Variants in FOXN3 observed in about 807,000 individuals in gnomAD.
The protein encoded by FOXN3 is forkhead box N3, also known as forkhead box protein N3.
FOXN3 carries 7 observed loss-of-function variants against 38.4 expected under a neutral mutation model. The ratio of observed to expected loss-of-function variants is 0.18; its 90% confidence interval spans 0.10 to 0.34. FOXN3 has a LOEUF of 0.34. Among genes scored for constraint, FOXN3 ranks in the 10% least tolerant of loss-of-function variants. The pLI is 1.00. For synonymous variants in FOXN3, 230 were observed against 242.2 expected (o/e 0.95, Z 0.47); for missense variants, 456 against 613.4 (o/e 0.74, Z 2.71).
intron 1 of FOXN3, among the ~76,000 whole-genome samples, chr14:89,590,611 G>A (rs987537284): frequency 1.3e-5 from 2 of 152,148 alleles, no homozygotes; most frequent in Non-Finnish European, 2.9e-5. Context: ...AGTAGCCCCA[G>A]AAGCAAAGTC....
At chr14:89,310,999 A>G (rs12882942) in intron 3 of FOXN3, among the ~76,000 whole-genome samples, 47,904 of 151,106 alleles carry the variant, frequency 0.32, 8,032 homozygotes, top group African/African-American at 0.43. Flanking sequence ...TCAGCTACTC[A>G]GGAGGCTGAG....
intron 1 of FOXN3, among the ~76,000 whole-genome samples, chr14:89,546,578 C>A (rs1894890142): frequency 6.6e-6 from 1 of 151,500 alleles, no homozygotes; most frequent in Non-Finnish European, 1.5e-5. Context: ...ATCCACCCAC[C>A]TCGGCCTCCC....
intron 2 of FOXN3, among the ~76,000 whole-genome samples, chr14:89,391,133 C>G (rs2140077264): frequency 6.6e-6 from 1 of 152,274 alleles, no homozygotes. Flanking sequence ...AGAAAATCAC[C>G]TTGAACCCAA....
intron 2 of FOXN3, among the ~76,000 whole-genome samples, chr14:89,405,105 C>T (rs1284687908): frequency 6.6e-6 from 1 of 152,120 alleles, no homozygotes; most frequent in African/African-American, 2.4e-5. Flanking sequence ...GGGGTGCTGA[C>T]ACATAGAGGT....
Position 89,534,501 on chromosome 14 carries a change from C to G in FOXN3, c.-15+84527G>C, listed in dbSNP as rs369500141. 5.3e-5 allele frequency among the ~76,000 whole-genome samples: 8 copies of G among 152,304 alleles called. No homozygotes were observed. In the East Asian group the frequency reaches 7.7e-4, roughly 15 times the overall value. ...CCTTAAAGAAAGGAAGCTGTCTAACCAGCCTTAACCCAGGGCTCTGCTCCA... is the reference window on the plus strand; with the variant it reads ...CCTTAAAGAAAGGAAGCTGTCTAACGAGCCTTAACCCAGGGCTCTGCTCCA... On this transcript the variant is annotated intron_variant, in intron 1 of 6. Transcript: ENST00000345097.
At chr14:89,591,186 A>T (rs1465772582) in intron 1 of FOXN3, among the ~76,000 whole-genome samples, 1 of 152,216 alleles carries the variant, frequency 6.6e-6, no homozygotes, top group Non-Finnish European at 1.5e-5. Flanking sequence ...TCCAGCCTAC[A>T]GAATCCACAC....
At chr14:89,381,454 C>T (rs1439698208) in intron 2 of FOXN3, among the ~76,000 whole-genome samples, 2 of 147,800 alleles carry the variant, frequency 1.4e-5, no homozygotes, top group East Asian at 2.0e-4. Flanking sequence ...TAACATTGCC[C>T]GACATCCTGG....
At chr14:89,283,217 A>C (rs534945075) in intron 3 of FOXN3, among the ~76,000 whole-genome samples, 1 of 152,220 alleles carries the variant, frequency 6.6e-6, no homozygotes, top group African/African-American at 2.4e-5. Context: ...AGGATTTATT[A>C]AACTCCTGCT....
chr14:89,557,720 CCAAAGGGGGG>C (rs1895156893), intron 1 of FOXN3, among the ~76,000 whole-genome samples: 1 of 152,018 alleles, frequency 6.6e-6, no homozygotes, highest in African/African-American at 2.4e-5. Context: ...GAATGAGGTA[CCAAAGGGGGG>C]CACGGTGGCT....
At chr14:89,525,631 T>TAAAA (rs55848557) in intron 1 of FOXN3, among the ~76,000 whole-genome samples, 1 of 123,894 alleles carries the variant, frequency 8.1e-6, no homozygotes, top group Non-Finnish European at 1.7e-5. Flanking sequence ...TTGTTTTCAC[T>TAAAA]AAAAAAAAAA....
At chr14:89,173,293 C>T (rs182431493) in intron 5 of FOXN3, among the ~76,000 whole-genome samples, 173 of 152,298 alleles carry the variant, frequency 1.1e-3, no homozygotes, top group African/African-American at 3.8e-3. Flanking sequence ...GTTGAAATGA[C>T]AAAGCATGAC....
At position 89,231,879 on chromosome 14, in the gene FOXN3, G is replaced by A. The variant is rs150070673; in HGVS notation, c.745+49071C>T. Among the ~76,000 whole-genome samples, 199 of 152,268 alleles carry A rather than the reference G, an allele frequency of 1.3e-3. 1 individual carries two copies. Among genetic ancestry groups the A allele is most frequent in the African/African-American group, 4.4e-3 (184 of 41,552 alleles). On this transcript the variant is annotated intron_variant, in intron 4 of 5. Coordinates refer to ENST00000557258, the MANE Select transcript of FOXN3 (RefSeq NM_005197.4). Reference sequence around the variant, plus strand: ...ATTAATCTCTAGGTCTGCTCAAAGCGATTGGCTGGGAGCATGGCAGGGCAG... The same window carrying A: ...ATTAATCTCTAGGTCTGCTCAAAGCAATTGGCTGGGAGCATGGCAGGGCAG...
chr14:89,346,361 T>A (rs1478557296), intron 3 of FOXN3, among the ~76,000 whole-genome samples: 2 of 152,238 alleles, frequency 1.3e-5, no homozygotes, highest in Non-Finnish European at 2.9e-5. Flanking sequence ...TAGGACACAT[T>A]TGCTCATCAT....
chr14:89,559,087 C>T (rs1233448481), intron 1 of FOXN3, among the ~76,000 whole-genome samples: 7 of 151,918 alleles, frequency 4.6e-5, no homozygotes, highest in African/African-American at 1.7e-4. Context: ...AGGACAGATT[C>T]GGTGGCTCAC....
chr14:89,496,490 G>A (rs1295064627), intron 1 of FOXN3, among the ~76,000 whole-genome samples: 1 of 152,072 alleles, frequency 6.6e-6, no homozygotes, highest in Non-Finnish European at 1.5e-5. Flanking sequence ...GGGCCCTGGA[G>A]TGGAAAGATA....
chr14:89,362,306 CCACCTCCAG>C (rs1231603596), intron 2 of FOXN3, among the ~76,000 whole-genome samples: 1 of 8,652 alleles, frequency 1.2e-4, no homozygotes, highest in African/African-American at 1.3e-4. Flanking sequence ...ACCACCACCA[CCACCTCCAG>C]CACCACCTCT....
At chr14:89,326,875 A>T (rs2139980978) in intron 3 of FOXN3, among the ~76,000 whole-genome samples, 1 of 152,244 alleles carries the variant, frequency 6.6e-6, no homozygotes, top group South Asian at 2.1e-4. Context: ...AGCCACTACA[A>T]CTCGGTACAA....
intron 1 of FOXN3, among the ~76,000 whole-genome samples, chr14:89,521,476 T>A (rs973504015): frequency 2.0e-5 from 3 of 151,872 alleles, no homozygotes. Flanking sequence ...AAATAAAGAC[T>A]GGAAAAAATC....
intron 1 of FOXN3, among the ~76,000 whole-genome samples, chr14:89,614,193 A>T (rs1220149337): frequency 6.6e-6 from 1 of 152,228 alleles, no homozygotes; most frequent in Admixed American, 6.5e-5. Context: ...CATTTCATGA[A>T]TGACACTTCA....
Sources: allele counts gnomAD v4.1 joint callset (sites outside exome capture counted in the v4.1 genomes callset), GRCh38; gene constraint gnomAD v4.1.1; transcripts MANE v1.5; gene names NCBI Gene and HGNC (gene_info 2026-07-23, HGNC 2026-07-21).